BLTP1: variants seen among roughly 807,000 people sequenced by gnomAD.
BLTP1 encodes the protein fragile site-associated protein.
At chr4:122,308,245 A>G in the BLTP1 span, 1,235 of 1,442,030 alleles carry the variant, frequency 8.6e-4, 19 homozygotes, top group South Asian at 0.015. Flanking sequence ...ATAACAGTAC[A>G]TTTTTCAGTG....
At chr4:122,189,398 T>C in the BLTP1 span, 1 of 984,010 alleles carries the variant, frequency 1.0e-6, no homozygotes, top group African/African-American at 1.7e-5. Flanking sequence ...AGAAAAACGT[T>C]CATTCCAGAG....
the BLTP1 span, among the ~76,000 whole-genome samples, chr4:122,326,070 T>C: frequency 6.6e-6 from 1 of 151,672 alleles, no homozygotes; most frequent in Admixed American, 6.6e-5. Flanking sequence ...TCATAACCTC[T>C]TGCATGCATT....
chr4:122,242,385 A>T, the BLTP1 span, among the ~76,000 whole-genome samples: 1 of 152,214 alleles, frequency 6.6e-6, no homozygotes, highest in Non-Finnish European at 1.5e-5. Context: ...CTAAAAGACA[A>T]ATACCTCATG....
chr4:122,337,186 T>G, the BLTP1 span: 2 of 615,164 alleles, frequency 3.3e-6, no homozygotes, highest in South Asian at 4.1e-5. Flanking sequence ...GTGTGAAGTA[T>G]GTGTAAAATT....
At chr4:122,214,098 A>G in the BLTP1 span, 1 of 473,738 alleles carries the variant, frequency 2.1e-6, no homozygotes, top group South Asian at 9.0e-5. Flanking sequence ...TGGAAACAGT[A>G]CTTGTGGACT....
the BLTP1 span, chr4:122,344,283 C>T: frequency 3.2e-6 from 4 of 1,253,082 alleles, no homozygotes; most frequent in Non-Finnish European, 3.2e-6. Context: ...TAATTCATGG[C>T]ATATTACAGT....
chr4:122,220,170 A>G, the BLTP1 span: 1 of 311,724 alleles, frequency 3.2e-6, no homozygotes. Flanking sequence ...GCAGCTAACG[A>G]TCCTACTGAG....
At chr4:122,207,081 A>G in the BLTP1 span, 2 of 1,561,466 alleles carry the variant, frequency 1.3e-6, no homozygotes, top group Non-Finnish European at 1.7e-6. Context: ...TAACTTTACA[A>G]TTTCTATTCA....
chr4:122,157,725 G>A, the BLTP1 span, among the ~76,000 whole-genome samples: 1 of 152,128 alleles, frequency 6.6e-6, no homozygotes, highest in Non-Finnish European at 1.5e-5. Flanking sequence ...TTCCATGATG[G>A]CTCACTAGTT....
At chr4:122,359,731 T>C in the BLTP1 span, 2 of 1,604,282 alleles carry the variant, frequency 1.2e-6, no homozygotes, top group East Asian at 2.2e-5. Context: ...AGGTAAGTAA[T>C]GAGTATATAC....
chr4:122,154,851 G>A, the BLTP1 span: 17 of 406,590 alleles, frequency 4.2e-5, no homozygotes, highest in Admixed American at 2.6e-4. Flanking sequence ...CAGCCTGGGC[G>A]ACAGAGCGAG....
chr4:122,263,180 A>G, the BLTP1 span: 1 of 984,828 alleles, frequency 1.0e-6, no homozygotes, highest in Non-Finnish European at 1.2e-6. Context: ...TGCATTTTTA[A>G]ATTGCAGCTC....
the BLTP1 span, among the ~76,000 whole-genome samples, chr4:122,307,094 G>A: frequency 6.6e-6 from 1 of 152,156 alleles, no homozygotes. Flanking sequence ...AAGTGTTTCA[G>A]ATTTTGGATT....
At chr4:122,273,316 T>G in the BLTP1 span, 1 of 984,336 alleles carries the variant, frequency 1.0e-6, no homozygotes, top group African/African-American at 1.7e-5. Context: ...AATTTTAAAT[T>G]TGAGGATTAT....
At chr4:122,354,020 TAA>T in the BLTP1 span, 1 of 1,612,714 alleles carries the variant, frequency 6.2e-7, no homozygotes, top group South Asian at 1.1e-5. Context: ...GAATGAAGGT[TAA>T]AATTTTGAGT....
chr4:122,258,682 T>C, the BLTP1 span: 1 of 1,603,212 alleles, frequency 6.2e-7, no homozygotes, highest in South Asian at 1.1e-5. Flanking sequence ...TGCTCACTTA[T>C]TCTTTTGAAC....
chr4:122,194,651 AG>A, the BLTP1 span: 1 of 964,782 alleles, frequency 1.0e-6, no homozygotes, highest in South Asian at 4.8e-5. Context: ...GCTTTAACAT[AG>A]GGCCATGAAG....
chr4:122,263,388 T>A, the BLTP1 span: 1 of 1,467,226 alleles, frequency 6.8e-7, no homozygotes, highest in Non-Finnish European at 9.0e-7. Flanking sequence ...AAATTACATT[T>A]TTTTGCTCCT....
chr4:122,168,537 G>A, the BLTP1 span, among the ~76,000 whole-genome samples: 4 of 151,882 alleles, frequency 2.6e-5, no homozygotes, highest in African/African-American at 9.7e-5. Context: ...TTTGGTTTTA[G>A]ATTTTTTAAG....
Sources: gnomAD v4.1 joint callset for allele counts (sites outside exome capture counted in the v4.1 genomes callset) on GRCh38, gnomAD v4.1.1 for gene constraint, MANE v1.5 for transcripts, NCBI Gene and HGNC (gene_info 2026-07-23, HGNC 2026-07-21) for gene names.